WASHC3: variants seen among roughly 807,000 people sequenced by gnomAD.
The protein encoded by WASHC3 is WASH complex subunit CCDC53.
WASHC3 carries 24 observed loss-of-function variants against 26.1 expected under a neutral mutation model. The ratio of observed to expected loss-of-function variants is 0.92; its 90% CI spans 0.66 to 1.29. WASHC3 has a LOEUF of 1.29. WASHC3 is among the 50% of genes most tolerant of loss of function. WASHC3 has a pLI of 0.00. For missense variants in WASHC3, 214 were observed against 229.6 expected (o/e 0.93, Z 0.44); for synonymous variants, 77 against 75.7 (o/e 1.02, Z -0.09).
chr12:102,050,117 A>G (rs1878326786), intron 2 of WASHC3: 1 of 300,662 alleles, frequency 3.3e-6, no homozygotes. Context: ...GTTCAAGACC[A>G]GCTTGGGCAA....
At chr12:102,048,377 C>T (rs2136679209) in intron 2 of WASHC3, 1 of 152,236 alleles carries the variant, frequency 6.6e-6, no homozygotes, top group South Asian at 2.1e-4. Context: ...GGATGGTCAA[C>T]ATGGTGAAAC....
chr12:102,029,488 T>C (rs555926178), intron 5 of WASHC3, among the ~76,000 whole-genome samples: 10 of 152,338 alleles, frequency 6.6e-5, no homozygotes, highest in African/African-American at 2.4e-4. Flanking sequence ...TAGTTTCTTA[T>C]ATCACAAAAA....
chr12:102,013,360 C>G lies in WASHC3; in HGVS notation c.501-168G>C, dbSNP rs1594343187. ...GCGTGCTTCTCTCGGGCTTCTTGGG[C>G]ACCATGGGGATTCAATGCTATGCCT... is the stretch of plus-strand genomic sequence containing the variant. On this transcript the variant is annotated intron_variant, in intron 6 of 6. Coordinates refer to ENST00000240079, the MANE Select transcript of WASHC3 (RefSeq NM_016053.4). 3.3e-5 allele frequency among the ~76,000 whole-genome samples: 5 copies of G among 152,184 alleles called. No homozygotes were observed. The East Asian group carries it at 9.6e-4, about 29-fold the overall frequency.
chr12:102,037,349 T>C (rs1448803887), intron 5 of WASHC3, among the ~76,000 whole-genome samples: 1 of 152,104 alleles, frequency 6.6e-6, no homozygotes, highest in Non-Finnish European at 1.5e-5. Flanking sequence ...ATAAAATATG[T>C]AGAATGCTGG....
chr12:102,060,385 TC>T (rs1878755297), intron 2 of WASHC3, among the ~76,000 whole-genome samples: 1 of 152,216 alleles, frequency 6.6e-6, no homozygotes, highest in African/African-American at 2.4e-5. Context: ...GCGCAAGTGA[TC>T]CTCCTGCCTC....
chr12:102,014,491 A>G (rs1182697006), intron 6 of WASHC3, among the ~76,000 whole-genome samples: 2 of 152,214 alleles, frequency 1.3e-5, no homozygotes, highest in African/African-American at 4.8e-5. Flanking sequence ...AGAAATTACT[A>G]TTACTAAAAT....
chr12:102,019,027 G>C (rs928692124), intron 6 of WASHC3, among the ~76,000 whole-genome samples: 1 of 152,118 alleles, frequency 6.6e-6, no homozygotes, highest in Non-Finnish European at 1.5e-5. Flanking sequence ...TCGAATTCCT[G>C]ACCTCAGGTG....
At chr12:102,034,794 G>A (rs1877584502) in intron 5 of WASHC3, among the ~76,000 whole-genome samples, 2 of 151,184 alleles carry the variant, frequency 1.3e-5, no homozygotes, top group South Asian at 4.2e-4. Context: ...GTGTGTGTGT[G>A]TGTGTGTGTG....
chr12:102,016,496 T>C (rs893061656), intron 6 of WASHC3, among the ~76,000 whole-genome samples: 26 of 152,202 alleles, frequency 1.7e-4, no homozygotes, highest in African/African-American at 6.0e-4. Context: ...TAAGCCACTG[T>C]GCCTGGCCTC....
intron 2 of WASHC3, among the ~76,000 whole-genome samples, chr12:102,055,969 C>G (rs955517368): frequency 6.6e-6 from 1 of 152,190 alleles, no homozygotes; most frequent in Non-Finnish European, 1.5e-5. Flanking sequence ...TTCACATACT[C>G]TACCTACAAA....
chr12:102,037,422 C>A (rs1424481506), intron 5 of WASHC3, among the ~76,000 whole-genome samples: 2 of 152,034 alleles, frequency 1.3e-5, no homozygotes, highest in Non-Finnish European at 2.9e-5. Flanking sequence ...GAGGACACTG[C>A]AATTTAAAAT....
At chr12:102,042,101 T>C (rs143216269) in intron 4 of WASHC3, among the ~76,000 whole-genome samples, 517 of 152,246 alleles carry the variant, frequency 3.4e-3, no homozygotes, top group African/African-American at 0.012. Context: ...ATCTACCACA[T>C]AATAACTACT....
At chr12:102,055,862 A>G (rs1056389007) in intron 2 of WASHC3, among the ~76,000 whole-genome samples, 12 of 152,218 alleles carry the variant, frequency 7.9e-5, no homozygotes, top group African/African-American at 2.9e-4. Context: ...CAATTCCATT[A>G]TTTAAAATAG....
rs576867372 is a variant in WASHC3 at position 102,034,813 on chromosome 12, TGTGA to T, written c.435+5051_435+5054del. Among the ~76,000 whole-genome samples the T allele has an allele frequency of 4.0e-4, 60 of 151,292 alleles. No homozygotes were observed. In the South Asian group the frequency reaches 7.7e-3, roughly 20 times the overall value. On this transcript the variant is annotated intron_variant, in intron 5 of 6. Coordinates refer to ENST00000240079, the MANE Select transcript of WASHC3 (RefSeq NM_016053.4). ...GTGTGTGTGTGTGTGTGTGTGTGTG[TGTGA>T]GTATGTAAATACAGCAAATCTGAAA...
chr12:102,039,756 G>T, intron 5 of WASHC3, 112 bp downstream of exon 5: 1 of 478,430 alleles, frequency 2.1e-6, no homozygotes, highest in Non-Finnish European at 3.9e-6. Context: ...TAGAAAACTT[G>T]GTTACTTGGT....
intron 5 of WASHC3, among the ~76,000 whole-genome samples, chr12:102,026,896 A>G (rs1877216617): frequency 2.0e-5 from 3 of 152,178 alleles, no homozygotes; most frequent in Non-Finnish European, 4.4e-5. Context: ...AGGCAGGGTC[A>G]TGGCATGGGA....
chr12:102,019,608 A>G (rs1876864562), intron 6 of WASHC3, among the ~76,000 whole-genome samples: 1 of 152,184 alleles, frequency 6.6e-6, no homozygotes, highest in South Asian at 2.1e-4. Context: ...TATATTTTTT[A>G]AAAATTTCAA....
At chr12:102,058,001 T>A (rs763693232) in intron 2 of WASHC3, among the ~76,000 whole-genome samples, 2 of 152,078 alleles carry the variant, frequency 1.3e-5, no homozygotes, top group African/African-American at 4.8e-5. Context: ...ACTCTCTGAT[T>A]TGAAAATCTA....
chr12:102,057,761 A>C (rs895665800), intron 2 of WASHC3, among the ~76,000 whole-genome samples: 3 of 152,154 alleles, frequency 2.0e-5, no homozygotes, highest in African/African-American at 7.2e-5. Context: ...AAATTGAAGA[A>C]GACACAAATA....
Sources: allele counts gnomAD v4.1 joint callset (sites outside exome capture counted in the v4.1 genomes callset), GRCh38; gene constraint gnomAD v4.1.1; transcripts MANE v1.5; gene names NCBI Gene and HGNC (gene_info 2026-07-23, HGNC 2026-07-21).